DAPK2: variants seen among roughly 807,000 people sequenced by gnomAD.
DAPK2 encodes death associated protein kinase 2, also known as death-associated protein kinase 2.
A neutral mutation model predicts 44.1 loss-of-function variants in DAPK2; 35 were observed. The ratio of observed to expected loss-of-function variants is 0.79; its 90% confidence interval spans 0.61 to 1.05. The LOEUF (loss-of-function observed/expected upper bound fraction) is 1.05, where lower values mean the gene tolerates loss of function less well. DAPK2 is among the 50% of genes least tolerant of loss of function. The pLI, the probability that DAPK2 is intolerant of heterozygous loss-of-function variation, is 0.00. For synonymous variants in DAPK2, 174 were observed against 182.6 expected, an observed-to-expected ratio of 0.95 and a Z score of 0.38; for missense variants, 453 against 483.2, an observed-to-expected ratio of 0.94 and a Z score of 0.59.
chr15:64,012,777 G>T (rs141849956), intron 1 of DAPK2, among the ~76,000 whole-genome samples: 2 of 152,296 alleles, frequency 1.3e-5, no homozygotes, highest in African/African-American at 4.8e-5. Flanking sequence ...TGAGGAATAG[G>T]ACTAGAGAGG....
intron 1 of DAPK2, among the ~76,000 whole-genome samples, chr15:63,993,982 G>A (rs1264810255): frequency 6.6e-6 from 1 of 152,136 alleles, no homozygotes; most frequent in African/African-American, 2.4e-5. Context: ...GATCTGTCAC[G>A]TGTCAGCCAA....
chr15:63,920,517 A>G (rs1369381989), intron 8 of DAPK2: 1 of 152,176 alleles, frequency 6.6e-6, no homozygotes, highest in Non-Finnish European at 1.5e-5. Context: ...GATGCATCTT[A>G]TCACCACGGT....
intron 1 of DAPK2, among the ~76,000 whole-genome samples, chr15:64,035,157 G>C (rs575823443): frequency 6.7e-6 from 1 of 148,344 alleles, no homozygotes; most frequent in East Asian, 2.0e-4. Flanking sequence ...GACAGAATGA[G>C]GCTCCATCTC....
At chr15:64,021,355 T>C (rs2079677258) in intron 1 of DAPK2, among the ~76,000 whole-genome samples, 1 of 152,190 alleles carries the variant, frequency 6.6e-6, no homozygotes, top group South Asian at 2.1e-4. Flanking sequence ...ACTTGGTCTG[T>C]TCCCCTGCCC....
intron 1 of DAPK2, among the ~76,000 whole-genome samples, chr15:64,008,413 G>A (rs2079296798): frequency 1.3e-5 from 2 of 152,158 alleles, no homozygotes; most frequent in South Asian, 2.1e-4. Context: ...GAGCCAATTT[G>A]CCACAGATCT....
upstream of DAPK2, among the ~76,000 whole-genome samples, chr15:64,041,335 C>G (rs1230448442): frequency 6.6e-6 from 1 of 152,316 alleles, no homozygotes; most frequent in South Asian, 2.1e-4. Flanking sequence ...ACTGAGCCAA[C>G]TCTGCCTGCC....
chr15:64,046,394 G>A (rs193208462), upstream of DAPK2: 8,897 of 337,258 alleles, frequency 0.026, 658 homozygotes, highest in African/African-American at 0.16. The surrounding 1 kb of genome is among the most constrained non-coding windows in gnomAD (Gnocchi z 5.3). Flanking sequence ...CGGCGGGAAC[G>A]GGGGACGCGG....
At chr15:63,954,545 C>T (rs1286242705) in intron 3 of DAPK2, among the ~76,000 whole-genome samples, 2 of 152,126 alleles carry the variant, frequency 1.3e-5, no homozygotes, top group Admixed American at 1.3e-4. Flanking sequence ...GTTTTGGTTA[C>T]TATATAGCTT....
chr15:64,036,348 T>TAC (rs2080211281), intron 1 of DAPK2, among the ~76,000 whole-genome samples: 2 of 82,292 alleles, frequency 2.4e-5, no homozygotes, highest in Non-Finnish European at 3.3e-5. Flanking sequence ...CATATATATA[T>TAC]ATATATTTTA....
At chr15:64,045,081 T>C (rs4776296), upstream of DAPK2, among the ~76,000 whole-genome samples, 17,577 of 152,140 alleles carry the variant, frequency 0.12, 1,351 homozygotes, top group South Asian at 0.34. Context: ...AAGATCCAGC[T>C]CCCTTGGGAA....
At chr15:63,970,436 G>A (rs1027538274) in intron 3 of DAPK2, among the ~76,000 whole-genome samples, 1 of 152,082 alleles carries the variant, frequency 6.6e-6, no homozygotes, top group Non-Finnish European at 1.5e-5. Context: ...TTTCCAGGGA[G>A]CCCTCTCTGA....
At chr15:63,955,389 C>A (rs1187116880) in intron 3 of DAPK2, among the ~76,000 whole-genome samples, 1 of 152,150 alleles carries the variant, frequency 6.6e-6, no homozygotes, top group African/African-American at 2.4e-5. Flanking sequence ...TGTTTTTTTC[C>A]TTAACTCTGT....
chr15:64,034,510 C>T (rs2080120985), intron 1 of DAPK2, among the ~76,000 whole-genome samples: 1 of 152,150 alleles, frequency 6.6e-6, no homozygotes, highest in South Asian at 2.1e-4. Flanking sequence ...CATACATGAG[C>T]CTCCTCTAAG....
At chr15:64,045,862 G>A (rs2080450001) in intron 1 of DAPK2, among the ~76,000 whole-genome samples, 2 of 152,212 alleles carry the variant, frequency 1.3e-5, no homozygotes, top group Non-Finnish European at 2.9e-5. Context: ...CCCAGAGGAA[G>A]CTCAGACATC....
chr15:63,967,505 A>G (rs1180125088), intron 3 of DAPK2, among the ~76,000 whole-genome samples: 2 of 152,198 alleles, frequency 1.3e-5, no homozygotes, highest in Non-Finnish European at 2.9e-5. Flanking sequence ...AGCCTGGCCA[A>G]CATGGTGAAA....
Position 63,923,481 on chromosome 15 carries a change from G to A in DAPK2, c.858+1335C>T. 7.0e-7 allele frequency: 1 copy of A among 1,429,008 alleles called. No homozygotes were observed. Among genetic ancestry groups the A allele is most frequent in the African/African-American group, 1.4e-5 (1 of 69,786 alleles). The allele number at this position is 1,429,008 out of a possible 1,614,324, so 88.5% of individuals were successfully genotyped here. On this transcript the variant is annotated intron_variant, in intron 8 of 10. Transcript: ENST00000261891. This position sits in a 1 kb window ranked among gnomAD's most constrained non-coding sequence, Gnocchi z 4.2. ...GTCAGGCCATGGGGAGAACCAGGGT[G>A]GGATGAGCACCTCCTTAGGCCATAA...
chr15:64,042,910 A>T (rs2080381700), upstream of DAPK2, among the ~76,000 whole-genome samples: 1 of 152,182 alleles, frequency 6.6e-6, no homozygotes. This position sits in a 1 kb window ranked among gnomAD's most constrained non-coding sequence, Gnocchi z 4.7. Flanking sequence ...AAAACAGATG[A>T]CAATTCTCCA....
chr15:63,949,757 C>T (rs1008419259), intron 3 of DAPK2, among the ~76,000 whole-genome samples: 4 of 152,148 alleles, frequency 2.6e-5, no homozygotes, highest in Admixed American at 6.5e-5. Context: ...GATAGGAGTT[C>T]GATTCCACTT....
chr15:63,928,421 T>C (rs1162338392), intron 6 of DAPK2: 2 of 152,202 alleles, frequency 1.3e-5, no homozygotes, highest in African/African-American at 4.8e-5. Context: ...CCCTGCCCCA[T>C]CTGGTTGACT....
Sources: gnomAD v4.1 joint callset for allele counts (sites outside exome capture counted in the v4.1 genomes callset) on GRCh38, gnomAD v4.1.1 for gene constraint, Gnocchi (gnomAD v3.1) non-coding constraint, MANE v1.5 for transcripts, NCBI Gene and HGNC (gene_info 2026-07-23, HGNC 2026-07-21) for gene names.